KMT2C: variants seen among roughly 807,000 people sequenced by gnomAD.
KMT2C encodes lysine methyltransferase 2C.
In KMT2C, 88 loss-of-function variants were observed where a neutral mutation model predicts 507.9. The observed-to-expected ratio is 0.17, with a 90% confidence interval of 0.15 to 0.21. KMT2C has a LOEUF of 0.21. KMT2C is among the 10% of genes least tolerant of loss of function. KMT2C has a pLI of 1.00. For synonymous variants in KMT2C, 2,049 were observed against 2,080.8 expected, an observed-to-expected ratio of 0.98 and a Z score of 0.42; for missense variants, 4,954 against 5,957.8, an observed-to-expected ratio of 0.83 and a Z score of 5.55.
At chr7:152,226,984 A>G (rs1359679524) in intron 18 of KMT2C, among the ~76,000 whole-genome samples, 1 of 152,192 alleles carries the variant, frequency 6.6e-6, no homozygotes, top group African/African-American at 2.4e-5. Flanking sequence ...AAAAATATTT[A>G]TCTTCATTCC....
At chr7:152,197,121 G>A (rs2093985646) in intron 27 of KMT2C, among the ~76,000 whole-genome samples, 1 of 152,158 alleles carries the variant, frequency 6.6e-6, no homozygotes, top group African/African-American at 2.4e-5. Context: ...ATTAGAAAAG[G>A]GCACTGGTGC....
At chr7:152,330,157 G>A (rs528672937) in intron 3 of KMT2C, among the ~76,000 whole-genome samples, 30 of 130,248 alleles carry the variant, frequency 2.3e-4, no homozygotes, top group African/African-American at 8.4e-4. Flanking sequence ...AAAGGGAGGG[G>A]GGGAGGGGTG....
At chr7:152,435,375 AAAAGT>A (rs1243159691) in intron 1 of KMT2C, among the ~76,000 whole-genome samples, 1 of 151,486 alleles carries the variant, frequency 6.6e-6, no homozygotes, top group African/African-American at 2.4e-5. Context: ...GGCCCGACTG[AAAAGT>A]AAAGTGTGCG....
chr7:152,331,645 T>A (rs2096884508), intron 2 of KMT2C, among the ~76,000 whole-genome samples: 1 of 118,988 alleles, frequency 8.4e-6, no homozygotes. Flanking sequence ...CAAAAAGATT[T>A]TTTTTTTTTT....
At chr7:152,363,779 T>G (rs1387206659) in intron 1 of KMT2C, among the ~76,000 whole-genome samples, 1 of 152,170 alleles carries the variant, frequency 6.6e-6, no homozygotes, top group Non-Finnish European at 1.5e-5. Context: ...TCCAGAAATC[T>G]GCAGAGGGAT....
At chr7:152,374,351 A>C (rs2097312846) in intron 1 of KMT2C, among the ~76,000 whole-genome samples, 2 of 151,754 alleles carry the variant, frequency 1.3e-5, no homozygotes, top group Non-Finnish European at 2.9e-5. Context: ...AATTAATAAA[A>C]ATTGAAAAGA....
intron 1 of KMT2C, among the ~76,000 whole-genome samples, chr7:152,389,608 A>C (rs1171277738): frequency 6.6e-6 from 1 of 151,950 alleles, no homozygotes; most frequent in African/African-American, 2.4e-5. Context: ...TACCTGGCTA[A>C]GTTTTATTTT....
chr7:152,276,228 A>G (rs2096076860), intron 6 of KMT2C, among the ~76,000 whole-genome samples: 1 of 152,222 alleles, frequency 6.6e-6, no homozygotes, highest in Non-Finnish European at 1.5e-5. Context: ...AATGTTTACT[A>G]TATATACACA....
Position 152,179,933 on chromosome 7 carries a change from G to A in KMT2C, c.7343C>T (p.Ala2448Val), listed in dbSNP as rs2093374877. 2 of 1,613,986 alleles carry A rather than the reference G, an allele frequency of 1.2e-6. No homozygotes were observed. Among genetic ancestry groups the A allele is most frequent in the Non-Finnish European group, 1.7e-6 (2 of 1,179,978 alleles). The change falls in exon 37 of 59, where the codon GCC (alanine) becomes GTC (valine). Residue 2448 changes from alanine (A) to valine (V), a missense_variant. Ala to Val is a moderately conservative substitution (Grantham distance 64). Transcript: ENST00000262189. ...PYPGNIRSPVAPPLGPRYAVF... is the reference protein window; with the variant it reads ...PYPGNIRSPVVPPLGPRYAVF... The stretch of plus-strand genomic sequence containing the variant: ...AGCATATCTAGGTCCTAAAGGAGGG[G>A]CAACAGGAGACCTAATGTTCCCAGG...
chr7:152,334,253 C>T (rs2096912199), intron 2 of KMT2C, among the ~76,000 whole-genome samples: 1 of 152,090 alleles, frequency 6.6e-6, no homozygotes. Context: ...GTCAGGAGTT[C>T]GAGACCAGCC....
At chr7:152,263,625 A>C (rs2095816420) in intron 8 of KMT2C, among the ~76,000 whole-genome samples, 1 of 152,172 alleles carries the variant, frequency 6.6e-6, no homozygotes, top group African/African-American at 2.4e-5. Flanking sequence ...TCCAGGTATA[A>C]AATGGGAATA....
chr7:152,410,411 CAAA>C (rs66620029), intron 1 of KMT2C, among the ~76,000 whole-genome samples: 1 of 106,118 alleles, frequency 9.4e-6, no homozygotes, highest in Non-Finnish European at 2.0e-5. Context: ...GACCCTGTCT[CAAA>C]AAAAAAAAAA....
chr7:152,297,082 AG>A lies in KMT2C; in HGVS notation c.849+12883del, dbSNP rs1563768123. Among the ~76,000 whole-genome samples, 3 of 139,584 alleles carry A rather than the reference AG, an allele frequency of 2.1e-5. No homozygotes were observed. The East Asian group carries it at 6.8e-4, about 32-fold the overall frequency. 91.6% of individuals were successfully genotyped at this position (139,584 alleles called of 152,430 possible). ...GAGAGAGAGAGAGAGAGAGAGAGAG[AG>A]AGAGAGAGAGAAAGAAAGAAAGACG... On this transcript the variant is annotated intron_variant, in intron 6 of 58. Transcript: ENST00000262189.
intron 35 of KMT2C, 74 bp downstream of exon 35, chr7:152,182,900 A>G: frequency 9.2e-7 from 1 of 1,081,528 alleles, no homozygotes; most frequent in East Asian, 2.4e-5. Flanking sequence ...ATATTCTAAA[A>G]TAATAATGCA....
At chr7:152,353,307 C>T (rs1051553417) in intron 2 of KMT2C, among the ~76,000 whole-genome samples, 2 of 152,188 alleles carry the variant, frequency 1.3e-5, no homozygotes, top group Non-Finnish European at 2.9e-5. Context: ...CACCTATAAT[C>T]CCAGCTACTC....
Position 152,136,575 on chromosome 7 carries a change from AAAG to A in KMT2C, c.*254_*256del, listed in dbSNP as rs2089894386. On this transcript the variant is annotated 3_prime_UTR_variant, in exon 59 of 59. Coordinates refer to ENST00000262189, the MANE Select transcript of KMT2C (RefSeq NM_170606.3). ...AACAAACAAAAAAAAAAGAAAAGGA[AAAG>A]AAAAAAAAGCAAAAGTGCTGGACCA... 2 of 389,052 alleles carry A rather than the reference AAAG, an allele frequency of 5.1e-6. No homozygotes were observed. The highest frequency in any genetic ancestry group is 9.2e-6 in the Non-Finnish European group (2 of 217,406). The allele number at this position is 389,052 out of a possible 1,614,324, so 24.1% of individuals were successfully genotyped here. A position where few individuals can be genotyped will look rare whatever the true frequency, so the allele number is the denominator to read the frequency against.
rs151112171 is a variant in KMT2C, at chr7:152,146,612, C to T, written c.14018G>A (p.Arg4673His). The change falls in exon 53 of 59, where the codon CGC becomes CAC. Residue 4673 changes from arginine to histidine, a missense_variant. Physicochemically the swap from Arg to His is conservative, Grantham distance 29. Around this residue, in one of 29 missense-constraint regions of KMT2C, gnomAD observed 221 missense variants for 304.7 expected, o/e 0.73. Coordinates refer to ENST00000262189, the MANE Select transcript of KMT2C (RefSeq NM_170606.3). ...LFGLTVSAVA[R>H]IAESLPGVEA... ...CAAGACACTCACTGATTCCGCTATG[C>T]GTGCCACTGCAGAGACGGTCAGGCC... 4 of 1,613,940 alleles carry T rather than the reference C, an allele frequency of 2.5e-6. No homozygotes were observed. Among genetic ancestry groups the T allele is most frequent in the Admixed American group, 3.3e-5 (2 of 60,002 alleles).
intron 50 of KMT2C, 101 bp from the exon 51 acceptor site, chr7:152,151,108 G>T: frequency 1.4e-6 from 1 of 716,178 alleles, no homozygotes; most frequent in Non-Finnish European, 2.3e-6. Flanking sequence ...AGTGACAGTG[G>T]TTCTTTATCT....
intron 1 of KMT2C, among the ~76,000 whole-genome samples, chr7:152,377,878 G>A (rs1007728950): frequency 5.3e-5 from 8 of 152,168 alleles, no homozygotes; most frequent in African/African-American, 1.9e-4. Flanking sequence ...ACATGAACAG[G>A]TGTCTGGAAG....
Sources: allele counts gnomAD v4.1 joint callset (sites outside exome capture counted in the v4.1 genomes callset), GRCh38; gene constraint gnomAD v4.1.1; regional missense constraint gnomAD v4.1.1; transcripts MANE v1.5; gene names NCBI Gene and HGNC (gene_info 2026-07-23, HGNC 2026-07-21).